Variants in MCC observed in about 807,000 individuals in gnomAD.
The protein encoded by MCC is MCC regulator of Wnt signaling pathway.
A neutral mutation model predicts 116.2 loss-of-function variants in MCC; 90 were observed. The observed-to-expected ratio is 0.77, with a 90% CI of 0.65 to 0.92. The LOEUF is 0.92. Ranked by LOEUF, MCC falls within the 40% of genes least tolerant of loss-of-function variation. The pLI, the probability that MCC is intolerant of heterozygous loss-of-function variation, is 0.00. For missense variants in MCC, 1,516 were observed against 1,312.2 expected, an observed-to-expected ratio of 1.16 and a Z score of -2.40; for synonymous variants, 578 against 510.5, an observed-to-expected ratio of 1.13 and a Z score of -1.78.
intron 3 of MCC, among the ~76,000 whole-genome samples, chr5:113,204,024 C>T (rs1762804447): frequency 1.3e-5 from 2 of 152,122 alleles, no homozygotes; most frequent in African/African-American, 2.4e-5. Context: ...CTTCCTTTTC[C>T]GGCAATTTTT....
intron 6 of MCC, among the ~76,000 whole-genome samples, chr5:113,112,285 T>C (rs1245776632): frequency 6.6e-6 from 1 of 152,186 alleles, no homozygotes; most frequent in African/African-American, 2.4e-5. Flanking sequence ...CCATCCTGAA[T>C]TGTAATCGCC....
At chr5:113,382,456 G>A (rs1769148401) in intron 2 of MCC, among the ~76,000 whole-genome samples, 1 of 151,642 alleles carries the variant, frequency 6.6e-6, no homozygotes, top group Admixed American at 6.6e-5. Flanking sequence ...TTTTTTGTAC[G>A]TTGCCCAGGC....
At chr5:113,476,059 C>T (rs1772226378) in intron 1 of MCC, among the ~76,000 whole-genome samples, 1 of 152,138 alleles carries the variant, frequency 6.6e-6, no homozygotes, top group Non-Finnish European at 1.5e-5. Flanking sequence ...TAAAATGATC[C>T]TGTGGGCCAG....
intron 3 of MCC, among the ~76,000 whole-genome samples, chr5:113,306,570 T>G (rs1290368562): frequency 6.6e-6 from 1 of 152,240 alleles, no homozygotes; most frequent in East Asian, 1.9e-4. Context: ...TAAATTGGGT[T>G]GTCTTTTTAT....
chr5:113,024,531 C>G lies in MCC; in HGVS notation c.*2771G>C, dbSNP rs767299807. 4 of 152,202 alleles carry G rather than the reference C, an allele frequency of 2.6e-5. No individual in the cohort carries two copies. The highest frequency in any genetic ancestry group is 5.9e-5 in the Non-Finnish European group (4 of 68,040). 9.4% of individuals were successfully genotyped at this position (152,202 alleles called of 1,614,324 possible). A position where few individuals can be genotyped will look rare whatever the true frequency, so the allele number is the denominator to read the frequency against. Reference sequence around the variant, plus strand: ...TTCTTCAAAAGCCAAAGACTGAATTCTGAACAGAGATGGTTACTGACTAAA... The same window carrying G: ...TTCTTCAAAAGCCAAAGACTGAATTGTGAACAGAGATGGTTACTGACTAAA... On this transcript the variant is annotated 3_prime_UTR_variant, in exon 19 of 19. Coordinates refer to ENST00000408903, the MANE Select transcript of MCC (RefSeq NM_001085377.2).
intron 2 of MCC, among the ~76,000 whole-genome samples, chr5:113,382,464 G>C (rs1769148528): frequency 6.6e-6 from 1 of 151,882 alleles, no homozygotes; most frequent in Admixed American, 6.6e-5. Flanking sequence ...ACGTTGCCCA[G>C]GCTAGTTTCA....
chr5:113,444,022 T>TGTGTGTGTGTGTGTG (rs1554084179), intron 1 of MCC, among the ~76,000 whole-genome samples: 3 of 151,536 alleles, frequency 2.0e-5, no homozygotes, highest in African/African-American at 4.9e-5. Flanking sequence ...TGTGTGTGTG[T>TGTGTGTGTGTGTGTG]TTAGTAGAGA....
At chr5:113,329,904 A>G (rs1048541127) in intron 3 of MCC, among the ~76,000 whole-genome samples, 2 of 152,206 alleles carry the variant, frequency 1.3e-5, no homozygotes, top group Non-Finnish European at 2.9e-5. Context: ...GATCTAAAAC[A>G]TAACTGTCCT....
Position 113,385,090 on chromosome 5 carries a change from A to G in MCC, c.293T>C (p.Met98Thr), listed in dbSNP as rs775947685. The G allele has an allele frequency of 1.2e-6, 2 of 1,614,222 alleles. No homozygotes were observed. Among genetic ancestry groups the G allele is most frequent in the Admixed American group, 1.7e-5 (1 of 60,024 alleles). Reference sequence around the variant, plus strand: ...CTTCCTAATTTCTCGAACAAGCTGCATGCGGCATCTTGTGAAATCCTGAAA... The same window carrying G: ...CTTCCTAATTTCTCGAACAAGCTGCGTGCGGCATCTTGTGAAATCCTGAAA... The part of the protein sequence containing the change: ...ISFQDFTRCR[M>T]QLVREIRKEE... The change falls in exon 2 of 19, where the codon ATG becomes ACG. Residue 98 changes from methionine (M) to threonine (T), a missense_variant. Met to Thr is a moderately conservative substitution (Grantham distance 81). Coordinates refer to ENST00000408903, the MANE Select transcript of MCC (RefSeq NM_001085377.2).
chr5:113,415,762 T>C (rs755400630), intron 1 of MCC, among the ~76,000 whole-genome samples: 1 of 152,226 alleles, frequency 6.6e-6, no homozygotes, highest in Admixed American at 6.5e-5. Context: ...TTCTGAAGCC[T>C]ACTTCTGTCA....
At chr5:113,132,425 T>TATATATATACAC (rs1561384989) in intron 5 of MCC, among the ~76,000 whole-genome samples, 1 of 17,542 alleles carries the variant, frequency 5.7e-5, no homozygotes, top group Non-Finnish European at 4.0e-4. Context: ...TATACACACA[T>TATATATATACAC]ACATATATAT....
At chr5:113,149,751 T>A (rs7707546) in intron 4 of MCC, among the ~76,000 whole-genome samples, 8 of 151,816 alleles carry the variant, frequency 5.3e-5, no homozygotes. Context: ...ACTTACACAG[T>A]AAAGCCCAAA....
intron 3 of MCC, among the ~76,000 whole-genome samples, chr5:113,249,937 A>G (rs781468131): frequency 9.2e-5 from 14 of 152,108 alleles, no homozygotes; most frequent in Non-Finnish European, 1.9e-4. Flanking sequence ...TCAGACTCCA[A>G]TGCACAGTTT....
At chr5:113,481,918 T>C (rs1384823760) in intron 1 of MCC, among the ~76,000 whole-genome samples, 2 of 152,162 alleles carry the variant, frequency 1.3e-5, no homozygotes, top group Non-Finnish European at 2.9e-5. Context: ...ACTCTTTAGC[T>C]CTCATTCATC....
chr5:113,267,279 A>T (rs867743832), intron 3 of MCC, among the ~76,000 whole-genome samples: 17 of 151,680 alleles, frequency 1.1e-4, no homozygotes, highest in African/African-American at 4.1e-4. Context: ...TTCCCAAGAG[A>T]CTCTTGGGTC....
chr5:113,060,065 C>T (rs746011780), intron 14 of MCC, among the ~76,000 whole-genome samples: 2 of 152,180 alleles, frequency 1.3e-5, no homozygotes, highest in Admixed American at 6.5e-5. Context: ...CTTGAAAATC[C>T]GTGATGACAT....
intron 5 of MCC, among the ~76,000 whole-genome samples, chr5:113,141,457 G>A (rs566260583): frequency 5.3e-5 from 8 of 152,202 alleles, no homozygotes; most frequent in South Asian, 4.2e-4. Context: ...CTGTCTCTAC[G>A]TTCTATTGGT....
intron 1 of MCC, among the ~76,000 whole-genome samples, chr5:113,414,920 T>A (rs563722149): frequency 3.4e-4 from 52 of 152,256 alleles, no homozygotes; most frequent in Admixed American, 1.2e-3. Flanking sequence ...GTTCCTTTCT[T>A]TCTTTAGTGC....
At chr5:113,339,921 C>T (rs1212714891) in intron 3 of MCC, among the ~76,000 whole-genome samples, 1 of 152,232 alleles carries the variant, frequency 6.6e-6, no homozygotes, top group Non-Finnish European at 1.5e-5. Flanking sequence ...GCATGTCACC[C>T]AAAATGGCCA....
Sources: gnomAD v4.1 joint callset for allele counts (sites outside exome capture counted in the v4.1 genomes callset) on GRCh38, gnomAD v4.1.1 for gene constraint, MANE v1.5 for transcripts, NCBI Gene and HGNC (gene_info 2026-07-23, HGNC 2026-07-21) for gene names.